The following TRIP12 variants were observed in gnomAD, a reference collection of about 807,000 sequenced individuals.
The protein encoded by TRIP12 is thyroid hormone receptor interactor 12.
In TRIP12, 25 loss-of-function variants were observed where a neutral mutation model predicts 244.2. The ratio of observed to expected loss-of-function variants is 0.10; its 90% CI spans 0.07 to 0.14. The LOEUF is 0.14. Among genes scored for constraint, TRIP12 ranks in the 10% least tolerant of loss-of-function variants. The pLI, the probability that TRIP12 is intolerant of heterozygous loss-of-function variation, is 1.00. For synonymous variants in TRIP12, 905 were observed against 873.1 expected (o/e 1.04, Z -0.64); for missense variants, 1,677 against 2,486.4 (o/e 0.67, Z 6.92).
At chr2:229,795,353 A>C in intron 25 of TRIP12, 23 bp from the exon 26 acceptor site, 1 of 1,595,338 alleles carries the variant, frequency 6.3e-7, no homozygotes, top group South Asian at 1.1e-5. Context: ...ATAAACAAAC[A>C]GGTTAAACAA....
At chr2:229,792,364 A>G in intron 27 of TRIP12, 138 bp from the exon 28 acceptor site, 1 of 857,716 alleles carries the variant, frequency 1.2e-6, no homozygotes, top group Non-Finnish European at 1.8e-6. Flanking sequence ...GCTTGAGCCC[A>G]GAAGTGTTTT....
rs554905166 is a variant in TRIP12, at chr2:229,907,274, T to C, written c.-50+14606A>G. Among the ~76,000 whole-genome samples, 19 of 152,338 alleles carry C rather than the reference T, an allele frequency of 1.2e-4. No individual in the cohort carries two copies. In the South Asian group the frequency reaches 3.9e-3, roughly 32 times the overall value. On this transcript the variant is annotated intron_variant, in intron 1 of 41. Transcript: ENST00000675903. Reference sequence around the variant, plus strand: ...GCTAGGTAAGAACTTCATTTACTCATTAAAAACTGAAAAGAATCCTGAAAA... The same window carrying C: ...GCTAGGTAAGAACTTCATTTACTCACTAAAAACTGAAAAGAATCCTGAAAA...
intron 1 of TRIP12, among the ~76,000 whole-genome samples, chr2:229,920,792 G>A (rs1376044034): frequency 6.6e-6 from 1 of 152,132 alleles, no homozygotes; most frequent in Non-Finnish European, 1.5e-5. Context: ...TTCTGAGGAA[G>A]GGAGAGACGC....
chr2:229,922,744 AT>A (rs941984579), upstream of TRIP12: 11 of 850,786 alleles, frequency 1.3e-5, no homozygotes, highest in African/African-American at 3.5e-5. Flanking sequence ...GCGCCGGGAG[AT>A]TTTCCTCGTC....
intron 4 of TRIP12, among the ~76,000 whole-genome samples, chr2:229,852,112 A>G (rs191721637): frequency 1.3e-5 from 2 of 152,346 alleles, no homozygotes; most frequent in Non-Finnish European, 2.9e-5. Flanking sequence ...CACAGGCTAC[A>G]TGCAAAGTCA....
chr2:229,873,207 G>GA (rs1223989752), intron 2 of TRIP12, among the ~76,000 whole-genome samples: 3 of 151,152 alleles, frequency 2.0e-5, no homozygotes, highest in Admixed American at 2.0e-4. Context: ...AGAACAATGA[G>GA]AAAAAGCACT....
intron 1 of TRIP12, among the ~76,000 whole-genome samples, chr2:229,888,895 T>A (rs1376604018): frequency 6.6e-6 from 1 of 152,064 alleles, no homozygotes; most frequent in Non-Finnish European, 1.5e-5. Flanking sequence ...CCAACTCTCT[T>A]CTGGAAGTGC....
intron 30 of TRIP12, among the ~76,000 whole-genome samples, chr2:229,790,841 A>G (rs1447218779): frequency 1.3e-5 from 2 of 152,218 alleles, no homozygotes; most frequent in African/African-American, 2.4e-5. Flanking sequence ...TGTTCTACCA[A>G]TGAAATTTGT....
intron 1 of TRIP12, among the ~76,000 whole-genome samples, chr2:229,920,613 C>T (rs147867108): frequency 6.6e-6 from 1 of 152,262 alleles, no homozygotes; most frequent in Non-Finnish European, 1.5e-5. Flanking sequence ...AAAAACACAA[C>T]ATTTGTCTTA....
intron 21 of TRIP12, among the ~76,000 whole-genome samples, chr2:229,800,104 G>C (rs1382692816): frequency 6.6e-6 from 1 of 152,108 alleles, no homozygotes; most frequent in African/African-American, 2.4e-5. Flanking sequence ...CAAAATGGCC[G>C]TGAGTAAAAT....
chr2:229,808,172 T>A (rs971037115), intron 16 of TRIP12, 80 bp downstream of exon 16: 1 of 1,028,958 alleles, frequency 9.7e-7, no homozygotes, highest in African/African-American at 1.6e-5. Context: ...TTCATCATGT[T>A]GGCCAGGCTG....
At chr2:229,822,738 A>G (rs1010506466) in intron 8 of TRIP12, among the ~76,000 whole-genome samples, 6 of 147,768 alleles carry the variant, frequency 4.1e-5, no homozygotes, top group Non-Finnish European at 8.8e-5. Flanking sequence ...AAGTGGGGGA[A>G]AAAAAGACAA....
At chr2:229,867,157 T>G (rs2061671420) in intron 2 of TRIP12, among the ~76,000 whole-genome samples, 1 of 61,068 alleles carries the variant, frequency 1.6e-5, no homozygotes, top group Non-Finnish European at 3.6e-5. Flanking sequence ...AGGTTTTTTT[T>G]TGTTTGTTTG....
At position 229,791,258 on chromosome 2, in the gene TRIP12, T is replaced by C. The variant is rs1022010672; in HGVS notation, c.4416-7A>G. 12 of 1,613,888 alleles carry C rather than the reference T, an allele frequency of 7.4e-6. No individual in the cohort carries two copies. The highest frequency in any genetic ancestry group is 7.6e-6 in the Non-Finnish European group (9 of 1,179,882). On this transcript the variant is annotated splice_region_variant and splice_polypyrimidine_tract_variant and intron_variant, in intron 29 of 41. Coordinates refer to ENST00000675903, the MANE Select transcript of TRIP12 (RefSeq NM_001348323.3). ...CTCTCTCACAGGTTTATACCTAAAATGACAAGACAGTATATAAACCAAATG... is the reference window on the plus strand; with the variant it reads ...CTCTCTCACAGGTTTATACCTAAAACGACAAGACAGTATATAAACCAAATG...
intron 1 of TRIP12, among the ~76,000 whole-genome samples, chr2:229,893,445 C>T (rs2067901541): frequency 6.6e-6 from 1 of 152,154 alleles, no homozygotes; most frequent in Non-Finnish European, 1.5e-5. Flanking sequence ...ACGCTCCTCC[C>T]CAATCAGTCC....
chr2:229,766,668 A>C lies in TRIP12; in HGVS notation c.*886T>G, dbSNP rs1318538961. On this transcript the variant is annotated 3_prime_UTR_variant, in exon 42 of 42. Transcript: ENST00000675903. ...TATTTTGTTTAAAAAATTTACATTA[A>C]TTTAAAATCCTCTGGCCACAGAATA... 2 of 152,220 alleles carry C rather than the reference A, an allele frequency of 1.3e-5. No individual in the cohort carries two copies. The highest frequency in any genetic ancestry group is 4.8e-5 in the African/African-American group (2 of 41,452). The allele number at this position is 152,220 out of a possible 1,614,324, so 9.4% of individuals were successfully genotyped here.
chr2:229,808,771 A>G (rs149536006), intron 15 of TRIP12, among the ~76,000 whole-genome samples: 3 of 152,368 alleles, frequency 2.0e-5, no homozygotes, highest in Non-Finnish European at 4.4e-5. Context: ...GGCCCATAGT[A>G]TAAAACGTTA....
At chr2:229,805,045 A>G (rs2045497294) in intron 18 of TRIP12, among the ~76,000 whole-genome samples, 1 of 152,062 alleles carries the variant, frequency 6.6e-6, no homozygotes, top group Non-Finnish European at 1.5e-5. Context: ...AGCTGGGACT[A>G]CAGGCGCCCA....
At position 229,830,825 on chromosome 2, in the gene TRIP12, C is replaced by A. The variant is rs1559705313; in HGVS notation, c.1285G>T (p.Ala429Ser). Residue 429 changes from alanine to serine, a missense_variant, in exon 7 of 42, where the codon GCA becomes TCA. This residue lies in a region of TRIP12 where 143 missense variants were observed against 215.6 expected (regional missense o/e 0.66). Transcript: ENST00000675903. ...PQGAAASSSVAGAVGMTTSGE... is the reference protein window; with the variant it reads ...PQGAAASSSVSGAVGMTTSGE... ...GAGGTGGTCATGCCAACAGCCCCTG[C>A]AACAGAACTAGAGGCTTGGGGTGGA... is the stretch of plus-strand genomic sequence containing the variant. 1 of 1,614,092 alleles carries A rather than the reference C, an allele frequency of 6.2e-7. No homozygotes were observed. Among genetic ancestry groups the A allele is most frequent in the Admixed American group, 1.7e-5 (1 of 60,006 alleles).
Sources: allele counts gnomAD v4.1 joint callset (sites outside exome capture counted in the v4.1 genomes callset), GRCh38; gene constraint gnomAD v4.1.1; regional missense constraint gnomAD v4.1.1; transcripts MANE v1.5; gene names NCBI Gene and HGNC (gene_info 2026-07-23, HGNC 2026-07-21).